Variants in ACCSL observed in about 807,000 individuals in gnomAD.
The protein encoded by ACCSL is 1-aminocyclopropane-1-carboxylate synthase homolog (inactive) like.
ACCSL carries 55 observed loss-of-function variants against 61.7 expected under a neutral mutation model. The observed-to-expected ratio is 0.89, with a 90% CI of 0.72 to 1.12. The LOEUF (loss-of-function observed/expected upper bound fraction) is 1.12, where lower values mean the gene tolerates loss of function less well. ACCSL is among the 50% of genes most tolerant of loss of function. The pLI is 0.00. For synonymous variants in ACCSL, 258 were observed against 264.3 expected, an observed-to-expected ratio of 0.98 and a Z score of 0.23; for missense variants, 632 against 698.0, an observed-to-expected ratio of 0.91 and a Z score of 1.07.
chr11:43,948,872 C>CT, the ACCSL span, among the ~76,000 whole-genome samples: 870 of 152,310 alleles, frequency 5.7e-3, 7 homozygotes, highest in Admixed American at 9.1e-3. Context: ...CTATTGCCTT[C>CT]TTTGACTGAG....
chr11:43,998,091 T>G, the ACCSL span, among the ~76,000 whole-genome samples: 1 of 152,226 alleles, frequency 6.6e-6, no homozygotes, highest in South Asian at 2.1e-4. Context: ...TCTTAACCGT[T>G]TCGGTCTCAA....
chr11:44,058,550 T>C lies in ACCSL; in HGVS notation c.1475T>C (p.Leu492Pro). Residue 492 changes from leucine (L) to proline (P), a missense_variant, in exon 13 of 14, where the codon CTG (leucine) becomes CCG (proline). Leu to Pro is a moderately conservative substitution (Grantham distance 98). Coordinates refer to ENST00000378832, the MANE Select transcript of ACCSL (RefSeq NM_001031854.2). ...CTGTTCCTCTGCCCTCCCTAGTACC[T>C]GGATCCCTGTACATTTGAAGAAGAA... ...LYVWINLKKY[L>P]DPCTFEEERL... is the part of the protein sequence containing the mutation. 4 of 1,614,032 alleles carry C rather than the reference T, an allele frequency of 2.5e-6. No individual in the cohort carries two copies. Among genetic ancestry groups the C allele is most frequent in the Non-Finnish European group, 3.4e-6 (4 of 1,179,928 alleles).
the ACCSL span, among the ~76,000 whole-genome samples, chr11:43,989,706 A>G: frequency 2.6e-5 from 4 of 152,192 alleles, no homozygotes; most frequent in African/African-American, 9.6e-5. Flanking sequence ...ACTTCTCTGC[A>G]CTATGGAGGA....
chr11:43,942,588 TGTGGGCAGCCGCG>T, the ACCSL span: 1 of 315,854 alleles, frequency 3.2e-6, no homozygotes, highest in South Asian at 2.3e-5. Context: ...CTCAGAGCCG[TGTGGGCAGCCGCG>T]GGCTATATAA....
upstream of ACCSL, among the ~76,000 whole-genome samples, chr11:44,043,140 C>A (rs1952583806): frequency 6.6e-6 from 1 of 152,138 alleles, no homozygotes; most frequent in Non-Finnish European, 1.5e-5. Flanking sequence ...GCTATAGCTA[C>A]ATTTTAAATC....
chr11:44,012,829 T>A, the ACCSL span, among the ~76,000 whole-genome samples: 2 of 152,114 alleles, frequency 1.3e-5, no homozygotes, highest in East Asian at 3.9e-4. Context: ...TGTGGTGAAA[T>A]GTTATGAAAG....
the ACCSL span, chr11:43,944,012 G>C: frequency 9.5e-6 from 5 of 524,366 alleles, no homozygotes; most frequent in Non-Finnish European, 1.2e-5. Context: ...ACAAGCTTCG[G>C]TCACCGGAAC....
At chr11:44,058,170 T>G in intron 11 of ACCSL, 147 bp from the exon 12 acceptor site, 1 of 1,018,700 alleles carries the variant, frequency 9.8e-7, no homozygotes, top group Non-Finnish European at 1.4e-6. Flanking sequence ...GAAACTCTGG[T>G]TTTTTTGTTT....
the ACCSL span, among the ~76,000 whole-genome samples, chr11:44,024,680 T>A: frequency 6.6e-6 from 1 of 152,024 alleles, no homozygotes; most frequent in Non-Finnish European, 1.5e-5. Context: ...GGATAGAGAG[T>A]TCTATAGATG....
the ACCSL span, among the ~76,000 whole-genome samples, chr11:44,018,825 G>C: frequency 1.3e-5 from 2 of 152,002 alleles, no homozygotes; most frequent in African/African-American, 4.8e-5. Flanking sequence ...GAAATAAAAC[G>C]AAAATTAAAA....
the ACCSL span, among the ~76,000 whole-genome samples, chr11:44,001,419 A>G: frequency 7.9e-5 from 12 of 151,926 alleles, no homozygotes; most frequent in Non-Finnish European, 4.4e-5. Flanking sequence ...GACAACAGCA[A>G]CAGGCATCCA....
the ACCSL span, among the ~76,000 whole-genome samples, chr11:44,035,771 C>G: frequency 2.6e-5 from 4 of 151,816 alleles, no homozygotes; most frequent in East Asian, 3.9e-4. Context: ...AACCTTGTCT[C>G]TACTAAAAAT....
the ACCSL span, among the ~76,000 whole-genome samples, chr11:43,929,215 G>C: frequency 6.6e-6 from 1 of 152,098 alleles, no homozygotes. Context: ...CTTGATTTTT[G>C]TTGTTGTTTT....
chr11:43,994,538 G>A, the ACCSL span, among the ~76,000 whole-genome samples: 1 of 152,108 alleles, frequency 6.6e-6, no homozygotes, highest in Non-Finnish European at 1.5e-5. Flanking sequence ...GTGTCTGTGT[G>A]TGTTGTGTGC....
At chr11:43,966,831 A>G in the ACCSL span, among the ~76,000 whole-genome samples, 1 of 152,210 alleles carries the variant, frequency 6.6e-6, no homozygotes, top group Admixed American at 6.5e-5. Context: ...TCCCTGGCAC[A>G]TCTATCACCT....
the ACCSL span, among the ~76,000 whole-genome samples, chr11:44,003,297 A>C: frequency 6.6e-6 from 1 of 152,210 alleles, no homozygotes; most frequent in African/African-American, 2.4e-5. Context: ...ATTGTGGCCA[A>C]ATGCACATAA....
chr11:44,032,379 G>T, the ACCSL span, among the ~76,000 whole-genome samples: 2 of 152,328 alleles, frequency 1.3e-5, no homozygotes, highest in Non-Finnish European at 2.9e-5. Flanking sequence ...GCTGACTGAA[G>T]CACGTCACAT....
chr11:44,000,774 T>C, the ACCSL span, among the ~76,000 whole-genome samples: 10,748 of 145,522 alleles, frequency 0.074, 550 homozygotes, highest in Non-Finnish European at 0.12. Context: ...AATAAAGAAA[T>C]AAAGTATATG....
the ACCSL span, among the ~76,000 whole-genome samples, chr11:43,934,146 G>A: frequency 7.6e-4 from 116 of 151,828 alleles, no homozygotes; most frequent in African/African-American, 2.7e-3. Context: ...TCTCCCTCTC[G>A]TGCACACTGA....
Sources: allele counts gnomAD v4.1 joint callset (sites outside exome capture counted in the v4.1 genomes callset), GRCh38; gene constraint gnomAD v4.1.1; transcripts MANE v1.5; gene names NCBI Gene and HGNC (gene_info 2026-07-23, HGNC 2026-07-21).